The following FANCC variants were observed in gnomAD, a reference collection of about 807,000 sequenced individuals.
FANCC encodes the protein Fanconi anemia group C protein.
A neutral mutation model predicts 71.3 loss-of-function variants in FANCC; 55 were observed. The ratio of observed to expected loss-of-function variants is 0.77; its 90% CI spans 0.62 to 0.97. FANCC has a LOEUF of 0.97. Ranked by LOEUF, FANCC falls within the 50% of genes least tolerant of loss-of-function variation. The probability of loss-of-function intolerance (pLI) is 0.00; values close to 1 mark genes in which losing one functional copy is unlikely to be tolerated. For synonymous variants in FANCC, 275 were observed against 244.9 expected, an observed-to-expected ratio of 1.12 and a Z score of -1.15; for missense variants, 678 against 670.9, an observed-to-expected ratio of 1.01 and a Z score of -0.12.
chr9:95,147,375 G>C (rs1829705967), intron 7 of FANCC, among the ~76,000 whole-genome samples: 1 of 152,182 alleles, frequency 6.6e-6, no homozygotes, highest in Admixed American at 6.5e-5. Flanking sequence ...AATTAGCTGG[G>C]CGTGATGGTG....
chr9:95,275,009 A>C (rs1469878929), intron 1 of FANCC, among the ~76,000 whole-genome samples: 1 of 151,934 alleles, frequency 6.6e-6, no homozygotes, highest in African/African-American at 2.4e-5. Context: ...TCATGCTTGT[A>C]ATCCCAGCAC....
intron 13 of FANCC, chr9:95,110,508 G>T: frequency 9.7e-7 from 1 of 1,030,584 alleles, no homozygotes; most frequent in Middle Eastern, 4.6e-4. Context: ...ACATACGTGG[G>T]TTATAATTTT....
chr9:95,244,468 A>G (rs1830822448), intron 3 of FANCC, among the ~76,000 whole-genome samples: 2 of 152,134 alleles, frequency 1.3e-5, no homozygotes, highest in African/African-American at 2.4e-5. Context: ...TCACAAGGTC[A>G]GGAGATTGAG....
At chr9:95,236,027 C>A (rs1323765869) in intron 4 of FANCC, among the ~76,000 whole-genome samples, 1 of 151,768 alleles carries the variant, frequency 6.6e-6, no homozygotes, top group African/African-American at 2.4e-5. Context: ...TAAGTTTTTT[C>A]TTTTTGAAAA....
At chr9:95,235,894 A>AG (rs1750519721) in intron 4 of FANCC, among the ~76,000 whole-genome samples, 1 of 139,274 alleles carries the variant, frequency 7.2e-6, no homozygotes, top group African/African-American at 2.6e-5. Flanking sequence ...CATGGGGGGC[A>AG]GGGACATCCA....
At chr9:95,163,838 A>G (rs1180800646) in intron 6 of FANCC, among the ~76,000 whole-genome samples, 2 of 152,230 alleles carry the variant, frequency 1.3e-5, no homozygotes, top group Admixed American at 6.5e-5. Context: ...AACAAGAGCG[A>G]AACTCCATCT....
intron 4 of FANCC, among the ~76,000 whole-genome samples, chr9:95,186,066 G>C (rs900277334): frequency 1.3e-5 from 2 of 152,140 alleles, no homozygotes; most frequent in Admixed American, 6.5e-5. Context: ...TCAGGCTGCT[G>C]TGGAGCTCCT....
At chr9:95,243,474 G>C (rs995687235) in intron 3 of FANCC, among the ~76,000 whole-genome samples, 2 of 151,868 alleles carry the variant, frequency 1.3e-5, no homozygotes, top group African/African-American at 4.8e-5. Context: ...AAAATTGTTT[G>C]CTTTTACTGT....
At chr9:95,265,907 T>C (rs1459129055) in intron 1 of FANCC, among the ~76,000 whole-genome samples, 2 of 152,050 alleles carry the variant, frequency 1.3e-5, no homozygotes, top group Non-Finnish European at 2.9e-5. Flanking sequence ...CAGATTACAC[T>C]GTGGGAAGGG....
intron 4 of FANCC, among the ~76,000 whole-genome samples, chr9:95,199,749 T>A (rs982851911): frequency 2.0e-5 from 3 of 152,202 alleles, no homozygotes; most frequent in African/African-American, 7.2e-5. Flanking sequence ...CTTCCAGAGT[T>A]CTGAAAGGTA....
intron 4 of FANCC, among the ~76,000 whole-genome samples, chr9:95,182,881 G>C (rs1353855527): frequency 6.6e-6 from 1 of 152,076 alleles, no homozygotes; most frequent in East Asian, 1.9e-4. Flanking sequence ...TGATGTCGCT[G>C]GGACAGGGGA....
intron 7 of FANCC, among the ~76,000 whole-genome samples, chr9:95,144,423 C>A (rs1029774933): frequency 1.1e-4 from 17 of 152,202 alleles, no homozygotes; most frequent in Non-Finnish European, 2.2e-4. Context: ...AGCAAAATTA[C>A]AAGCAAGGGA....
chr9:95,249,053 C>A, intron 2 of FANCC, 74 bp downstream of exon 2: 1 of 1,511,310 alleles, frequency 6.6e-7, no homozygotes, highest in Non-Finnish European at 9.1e-7. Context: ...TTCTGGGTGG[C>A]ATTCTGTCTT....
chr9:95,159,913 G>A (rs1412246900), intron 6 of FANCC, among the ~76,000 whole-genome samples: 1 of 152,144 alleles, frequency 6.6e-6, no homozygotes, highest in East Asian at 1.9e-4. Context: ...GTTCTTTGTA[G>A]ATTCTGGATA....
At chr9:95,314,224 G>A (rs1056653450) in intron 1 of FANCC, among the ~76,000 whole-genome samples, 1 of 152,304 alleles carries the variant, frequency 6.6e-6, no homozygotes, top group Non-Finnish European at 1.5e-5. Flanking sequence ...CAACAAGGAA[G>A]GTTGCAAGAT....
At chr9:95,299,788 G>A (rs995088744) in intron 1 of FANCC, among the ~76,000 whole-genome samples, 20 of 152,192 alleles carry the variant, frequency 1.3e-4, no homozygotes, top group African/African-American at 4.6e-4. Flanking sequence ...TTAAGCCTGG[G>A]AGGTCGAGGC....
chr9:95,293,926 A>C, intron 1 of FANCC: 1 of 1,593,636 alleles, frequency 6.3e-7, no homozygotes, highest in African/African-American at 1.3e-5. Context: ...TGTTGCTACA[A>C]GTAACATTAT....
chr9:95,297,624 T>C (rs1363431219), intron 1 of FANCC, among the ~76,000 whole-genome samples: 1 of 152,210 alleles, frequency 6.6e-6, no homozygotes, highest in Non-Finnish European at 1.5e-5. Context: ...TCAGACAGGC[T>C]CTCTACTTTG....
intron 1 of FANCC, among the ~76,000 whole-genome samples, chr9:95,314,712 T>C (rs1477672238): frequency 1.3e-5 from 2 of 152,086 alleles, no homozygotes; most frequent in Non-Finnish European, 2.9e-5. Flanking sequence ...AATGAAATTT[T>C]AAAAATAATT....
Sources: allele counts gnomAD v4.1 joint callset (sites outside exome capture counted in the v4.1 genomes callset), GRCh38; gene constraint gnomAD v4.1.1; transcripts MANE v1.5; gene names NCBI Gene and HGNC (gene_info 2026-07-23, HGNC 2026-07-21).